The following ESRRB variants were observed in gnomAD, a reference collection of about 807,000 sequenced individuals.
ESRRB encodes steroid hormone receptor ERR2.
A neutral mutation model predicts 46.0 loss-of-function variants in ESRRB; 16 were observed. The ratio of observed to expected loss-of-function variants is 0.35; its 90% CI spans 0.24 to 0.53. ESRRB has a LOEUF of 0.53. Ranked by LOEUF, ESRRB falls within the 20% of genes least tolerant of loss-of-function variation. ESRRB has a pLI of 0.93. For synonymous variants in ESRRB, 246 were observed against 259.6 expected (o/e 0.95, Z 0.50); for missense variants, 488 against 607.4 (o/e 0.80, Z 2.07).
chr14:76,439,200 C>A, intron 1 of ESRRB, 141 bp from the exon 2 acceptor site: 2 of 968,734 alleles, frequency 2.1e-6, no homozygotes, highest in Non-Finnish European at 3.3e-6. Context: ...GAGGGGAGAC[C>A]AGCTGACCTT....
At chr14:76,481,877 G>T in intron 3 of ESRRB, 139 bp from the exon 4 acceptor site, 2 of 770,910 alleles carry the variant, frequency 2.6e-6, no homozygotes, top group East Asian at 2.7e-5. Flanking sequence ...CTGGCCTGAG[G>T]CTGGCCGTGG....
intron 1 of ESRRB, among the ~76,000 whole-genome samples, chr14:76,403,816 T>C (rs1886046402): frequency 6.6e-6 from 1 of 152,052 alleles, no homozygotes; most frequent in African/African-American, 2.4e-5. Flanking sequence ...AACCTCCGCC[T>C]CCTGGGTTCA....
intron 3 of ESRRB, among the ~76,000 whole-genome samples, chr14:76,467,671 G>A (rs1889176625): frequency 6.6e-6 from 1 of 151,956 alleles, no homozygotes; most frequent in South Asian, 2.1e-4. Context: ...CCTTGTCTTG[G>A]GCTGGTCCCC....
Position 76,498,976 on chromosome 14 carries a change from C to T in ESRRB, c.*518C>T, listed in dbSNP as rs966560648. 2.4e-5 allele frequency: 10 copies of T among 413,394 alleles called. No individual in the cohort carries two copies. Among genetic ancestry groups the T allele is most frequent in the African/African-American group, 1.0e-4 (5 of 48,834 alleles). The allele number at this position is 413,394 out of a possible 1,614,324, so 25.6% of individuals were successfully genotyped here. ...TACCTGCTCTGAGATCCTCTGGGGC[C>T]GGTCAAGAGGCCCCATACCTTCCAC... On this transcript the variant is annotated 3_prime_UTR_variant, in exon 7 of 7. Coordinates refer to ENST00000644823, the MANE Select transcript of ESRRB (RefSeq NM_001379180.1).
intron 1 of ESRRB, among the ~76,000 whole-genome samples, chr14:76,389,952 CATTCCATGATGACACACTGG>C (rs1431778627): frequency 2.0e-5 from 3 of 152,202 alleles, no homozygotes; most frequent in Non-Finnish European, 4.4e-5. Context: ...CCCAAGCCTG[CATTCCATGATGACACACTGG>C]TAGTTTGAGA....
At chr14:76,426,481 A>C (rs1296711332) in intron 1 of ESRRB, among the ~76,000 whole-genome samples, 1 of 152,302 alleles carries the variant, frequency 6.6e-6, no homozygotes, top group African/African-American at 2.4e-5. Flanking sequence ...TATTTATCAC[A>C]TGTCATTGAA....
At chr14:76,347,996 G>A (rs1374546195) in intron 1 of ESRRB, among the ~76,000 whole-genome samples, 2 of 152,180 alleles carry the variant, frequency 1.3e-5, no homozygotes, top group African/African-American at 4.8e-5. Flanking sequence ...TGACATCTGA[G>A]TATGTTTTAA....
intron 1 of ESRRB, among the ~76,000 whole-genome samples, chr14:76,380,751 A>G (rs921967093): frequency 1.3e-5 from 2 of 151,940 alleles, no homozygotes; most frequent in Non-Finnish European, 2.9e-5. Context: ...TGGGGTGGGG[A>G]GCCCCAGCTT....
At chr14:76,324,514 G>A (rs1014718916) in intron 1 of ESRRB, among the ~76,000 whole-genome samples, 1 of 152,190 alleles carries the variant, frequency 6.6e-6, no homozygotes, top group African/African-American at 2.4e-5. Flanking sequence ...CTCCCTCTCT[G>A]TGGGGGTCCC....
chr14:76,412,804 G>A lies in ESRRB; in HGVS notation c.51-26537G>A, dbSNP rs547682486. On this transcript the variant is annotated intron_variant, in intron 1 of 6. Transcript: ENST00000644823. ...GTATTGCAAAGAAAGGTGGGTGGGG[G>A]AAATAAGGACAGGATTGTGAAGCAG... Among the ~76,000 whole-genome samples, 6 of 152,306 alleles carry A rather than the reference G, an allele frequency of 3.9e-5. No homozygotes were observed. The East Asian group carries it at 1.2e-3, about 29-fold the overall frequency.
At chr14:76,416,413 C>T (rs1027060793) in intron 1 of ESRRB, among the ~76,000 whole-genome samples, 4 of 150,844 alleles carry the variant, frequency 2.7e-5, no homozygotes, top group South Asian at 2.1e-4. Context: ...CATGAACCTG[C>T]GCCCCGCCTC....
chr14:76,429,887 A>T (rs935075427), intron 1 of ESRRB, among the ~76,000 whole-genome samples: 14 of 151,998 alleles, frequency 9.2e-5, no homozygotes, highest in African/African-American at 3.4e-4. Flanking sequence ...AATGGATCTC[A>T]GTGCACAGAA....
chr14:76,321,424 A>G lies in ESRRB; in HGVS notation c.2+10508A>G, dbSNP rs188069176. On this transcript the variant is annotated intron_variant, in intron 1 of 6. Transcript: ENST00000512784. Reference sequence around the variant, plus strand: ...CCAGCAGTTTTCACACTGGGGTTGAACCATATTATGACTTTAAAGCTTTAA... The same window carrying G: ...CCAGCAGTTTTCACACTGGGGTTGAGCCATATTATGACTTTAAAGCTTTAA... Among the ~76,000 whole-genome samples the G allele has an allele frequency of 4.5e-4, 69 of 152,268 alleles. No individual in the cohort carries two copies. The East Asian group carries it at 0.012, about 27-fold the overall frequency.
At chr14:76,397,508 A>G (rs1726609900) in intron 1 of ESRRB, among the ~76,000 whole-genome samples, 1 of 152,232 alleles carries the variant, frequency 6.6e-6, no homozygotes, top group African/African-American at 2.4e-5. Context: ...TCCCAGCTTC[A>G]GTCACAGAGT....
chr14:76,428,711 T>C (rs74068634), intron 1 of ESRRB, among the ~76,000 whole-genome samples: 9,271 of 152,230 alleles, frequency 0.061, 404 homozygotes, highest in East Asian at 0.22. Flanking sequence ...TGCCTCCAAT[T>C]GTCTCTTCCT....
chr14:76,384,999 C>T (rs1300549242), intron 1 of ESRRB, among the ~76,000 whole-genome samples: 1 of 152,140 alleles, frequency 6.6e-6, no homozygotes, highest in East Asian at 1.9e-4. Context: ...AGACCTGAAG[C>T]CTGCTCACCT....
Position 76,500,610 on chromosome 14 carries a change from C to T in ESRRB, c.*2152C>T. ...CTTGCAGCGGGGCCGAGGTAGCACC[C>T]TGCTCTGTCACTTCCTGCTCAAGCT... On this transcript the variant is annotated 3_prime_UTR_variant, in exon 7 of 7. Transcript: ENST00000644823. 6.9e-7 allele frequency: 1 copy of T among 1,445,034 alleles called. No homozygotes were observed. The highest frequency in any genetic ancestry group is 9.7e-7 in the Non-Finnish European group (1 of 1,028,372). 89.5% of individuals were successfully genotyped at this position (1,445,034 alleles called of 1,614,324 possible). A position where few individuals can be genotyped will look rare whatever the true frequency, so the allele number is the denominator to read the frequency against.
chr14:76,354,220 A>ACCCC (rs1431949106), intron 1 of ESRRB, among the ~76,000 whole-genome samples: 2 of 28,322 alleles, frequency 7.1e-5, no homozygotes, highest in African/African-American at 3.1e-4. Flanking sequence ...AGGGTCCTCT[A>ACCCC]CCCGCCCCCC....
chr14:76,354,419 C>A (rs1007561984), intron 1 of ESRRB, among the ~76,000 whole-genome samples: 5 of 152,084 alleles, frequency 3.3e-5, no homozygotes, highest in Non-Finnish European at 7.4e-5. Flanking sequence ...GCTCACATAG[C>A]AGCAGCCTTT....
Sources: gnomAD v4.1 joint callset for allele counts (sites outside exome capture counted in the v4.1 genomes callset) on GRCh38, gnomAD v4.1.1 for gene constraint, MANE v1.5 for transcripts, NCBI Gene and HGNC (gene_info 2026-07-23, HGNC 2026-07-21) for gene names.